ST7: variants seen among roughly 807,000 people sequenced by gnomAD.
ST7 encodes suppressor of tumorigenicity 7 protein.
In ST7, 28 loss-of-function variants were observed where a neutral mutation model predicts 78.7. The observed-to-expected ratio is 0.36, with a 90% confidence interval of 0.26 to 0.49. The LOEUF (loss-of-function observed/expected upper bound fraction) is 0.49. Ranked by LOEUF, ST7 falls within the 20% of genes least tolerant of loss-of-function variation. The pLI is 0.99. For synonymous variants in ST7, 247 were observed against 249.6 expected, an observed-to-expected ratio of 0.99 and a Z score of 0.10; for missense variants, 418 against 696.0, an observed-to-expected ratio of 0.60 and a Z score of 4.49.
chr7:116,972,647 T>A, intron 1 of ST7: 1 of 1,181,126 alleles, frequency 8.5e-7, no homozygotes, highest in East Asian at 2.3e-5. Context: ...TTCATACCTC[T>A]CTCACTCTCA....
chr7:117,068,947 G>T (rs1798780199), intron 1 of ST7, among the ~76,000 whole-genome samples: 1 of 152,202 alleles, frequency 6.6e-6, no homozygotes, highest in Non-Finnish European at 1.5e-5. Context: ...CAGATATTCT[G>T]AGAAGGGATC....
intron 2 of ST7, among the ~76,000 whole-genome samples, chr7:117,115,945 C>CAT (rs1482348750): frequency 1.3e-5 from 2 of 152,186 alleles, no homozygotes; most frequent in Non-Finnish European, 2.9e-5. Flanking sequence ...CTTTCTCTCT[C>CAT]CATCTCTTCA....
intron 2 of ST7, among the ~76,000 whole-genome samples, chr7:117,109,222 G>T (rs1247854172): frequency 3.3e-5 from 5 of 152,126 alleles, no homozygotes; most frequent in Non-Finnish European, 7.4e-5. Flanking sequence ...TATAATGTTG[G>T]CTGGGGGTTT....
At chr7:117,064,630 C>G (rs189084927) in intron 1 of ST7, among the ~76,000 whole-genome samples, 1 of 152,194 alleles carries the variant, frequency 6.6e-6, no homozygotes. Flanking sequence ...CAAACTATCT[C>G]CTAAAACCAA....
At chr7:117,140,397 C>A (rs1040071895) in intron 9 of ST7, among the ~76,000 whole-genome samples, 5 of 152,036 alleles carry the variant, frequency 3.3e-5, no homozygotes, top group Admixed American at 1.3e-4. Context: ...ATTTAGTCTT[C>A]TGTAAATTGG....
At chr7:117,171,397 G>A (rs1262852384) in intron 10 of ST7, among the ~76,000 whole-genome samples, 1 of 152,052 alleles carries the variant, frequency 6.6e-6, no homozygotes, top group Non-Finnish European at 1.5e-5. Flanking sequence ...ACCCTTTGGA[G>A]CAATGTAGAA....
chr7:117,093,301 A>C (rs946257171), intron 1 of ST7, among the ~76,000 whole-genome samples: 4 of 152,218 alleles, frequency 2.6e-5, no homozygotes, highest in African/African-American at 4.8e-5. Flanking sequence ...AGTGCTTGGC[A>C]CATAGAAGAT....
Position 116,953,705 on chromosome 7 carries a change from G to T in ST7, c.151+14G>T, listed in dbSNP as rs369531523. 1 of 1,435,390 alleles carries T rather than the reference G, an allele frequency of 7.0e-7. No homozygotes were observed. The highest frequency in any genetic ancestry group is 9.3e-7 in the Non-Finnish European group (1 of 1,074,170). The allele number at this position is 1,435,390 out of a possible 1,614,324, so 88.9% of individuals were successfully genotyped here. On this transcript the variant is annotated intron_variant, in intron 1 of 15. Transcript: ENST00000323984. ...ACTTGAGCACAGGTAAGGCCTGGGA[G>T]CCGGGCCCGCGGCGCCCACCCCTCC... is the stretch of plus-strand genomic sequence containing the variant.
chr7:117,114,865 T>G (rs866166563), intron 2 of ST7, among the ~76,000 whole-genome samples: 1 of 152,184 alleles, frequency 6.6e-6, no homozygotes, highest in Non-Finnish European at 1.5e-5. Context: ...TGTTCCTTTG[T>G]CTGATTTTTG....
chr7:117,184,561 T>A (rs1028890689), intron 10 of ST7, among the ~76,000 whole-genome samples: 1 of 152,212 alleles, frequency 6.6e-6, no homozygotes, highest in African/African-American at 2.4e-5. Flanking sequence ...AAGCATGAAG[T>A]CATAGCAGGC....
chr7:117,053,270 G>T (rs2116383996), intron 1 of ST7, among the ~76,000 whole-genome samples: 1 of 152,254 alleles, frequency 6.6e-6, no homozygotes, highest in South Asian at 2.1e-4. Context: ...AATGATCAGG[G>T]CATCAGAACA....
intron 1 of ST7, among the ~76,000 whole-genome samples, chr7:117,008,608 T>C (rs1795252592): frequency 6.6e-6 from 1 of 152,238 alleles, no homozygotes; most frequent in Non-Finnish European, 1.5e-5. Context: ...TCACCAGTTC[T>C]AATGTGATAG....
At chr7:117,178,694 T>C (rs1267528829) in intron 10 of ST7, among the ~76,000 whole-genome samples, 1 of 152,216 alleles carries the variant, frequency 6.6e-6, no homozygotes, top group Non-Finnish European at 1.5e-5. Flanking sequence ...TTGATTGTTA[T>C]TACTGGGAGA....
chr7:116,983,419 T>C (rs1794047861), intron 1 of ST7, among the ~76,000 whole-genome samples: 1 of 152,124 alleles, frequency 6.6e-6, no homozygotes, highest in African/African-American at 2.4e-5. Context: ...CTCACCTCAC[T>C]CTGGCTCTGA....
intron 1 of ST7, among the ~76,000 whole-genome samples, chr7:116,981,355 C>A (rs1793950799): frequency 6.6e-6 from 1 of 152,122 alleles, no homozygotes; most frequent in African/African-American, 2.4e-5. Flanking sequence ...AGTGATGCTC[C>A]CACCTCGGCC....
At chr7:117,096,985 GAT>G (rs1027198882) in intron 1 of ST7, among the ~76,000 whole-genome samples, 5 of 151,824 alleles carry the variant, frequency 3.3e-5, no homozygotes, top group African/African-American at 1.2e-4. Context: ...AATTATTATT[GAT>G]ATATAATCTT....
rs141924623 is a variant in ST7, at chr7:117,009,012, T to C, written c.151+55321T>C. ...AACATGGCTACATTAATTTATGTATTGTTTATGACTATTTTTGCACTGAAA... is the reference window on the plus strand; with the variant it reads ...AACATGGCTACATTAATTTATGTATCGTTTATGACTATTTTTGCACTGAAA... On this transcript the variant is annotated intron_variant, in intron 1 of 15. Coordinates refer to ENST00000323984, the MANE Select transcript of ST7 (RefSeq NM_001369598.1). Among the ~76,000 whole-genome samples the C allele has an allele frequency of 3.8e-3, 581 of 152,346 alleles. 4 individuals carry two copies. The highest frequency in any genetic ancestry group is 0.014 in the African/African-American group (563 of 41,580).
At chr7:117,007,241 A>G (rs186928155) in intron 1 of ST7, among the ~76,000 whole-genome samples, 2 of 152,296 alleles carry the variant, frequency 1.3e-5, no homozygotes, top group African/African-American at 4.8e-5. Context: ...GTAAAGTGCT[A>G]CTCCAATGAA....
At chr7:116,969,057 T>G (rs1439826494) in intron 1 of ST7, among the ~76,000 whole-genome samples, 1 of 152,266 alleles carries the variant, frequency 6.6e-6, no homozygotes, top group African/African-American at 2.4e-5. Flanking sequence ...TGTTAACATT[T>G]CGCCACAAGT....
Sources: allele counts gnomAD v4.1 joint callset (sites outside exome capture counted in the v4.1 genomes callset), GRCh38; gene constraint gnomAD v4.1.1; transcripts MANE v1.5; gene names NCBI Gene and HGNC (gene_info 2026-07-23, HGNC 2026-07-21).